Variants in ATXN7L1 observed in about 807,000 individuals in gnomAD.
The protein encoded by ATXN7L1 is ataxin 7 like 1, also known as ataxin-7-like protein 1.
In ATXN7L1, 15 loss-of-function variants were observed where a neutral mutation model predicts 70.8. The ratio of observed to expected loss-of-function variants is 0.21; its 90% CI spans 0.14 to 0.33. The LOEUF (loss-of-function observed/expected upper bound fraction) is 0.33. Among genes scored for constraint, ATXN7L1 ranks in the 10% least tolerant of loss-of-function variants. The probability of loss-of-function intolerance (pLI) is 1.00; values close to 1 mark genes in which losing one functional copy is unlikely to be tolerated. For missense variants in ATXN7L1, 975 were observed against 1,097.1 expected, an observed-to-expected ratio of 0.89 and a Z score of 1.57; for synonymous variants, 440 against 445.1, an observed-to-expected ratio of 0.99 and a Z score of 0.14.
At chr7:105,681,483 A>T (rs1312414825) in intron 3 of ATXN7L1, among the ~76,000 whole-genome samples, 1 of 152,228 alleles carries the variant, frequency 6.6e-6, no homozygotes, top group Non-Finnish European at 1.5e-5. Flanking sequence ...CACTATGAAG[A>T]AGAGTATGGC....
chr7:105,791,793 T>C (rs1312014815), intron 2 of ATXN7L1, among the ~76,000 whole-genome samples: 2 of 152,216 alleles, frequency 1.3e-5, no homozygotes, highest in Non-Finnish European at 2.9e-5. Flanking sequence ...AATAAGCATT[T>C]ATATGGCTGC....
chr7:105,685,233 G>C (rs7357126), intron 3 of ATXN7L1, among the ~76,000 whole-genome samples: 1 of 152,152 alleles, frequency 6.6e-6, no homozygotes, highest in African/African-American at 2.4e-5. Flanking sequence ...TATGCTCTGA[G>C]GTTAGCAGTA....
chr7:105,662,252 G>A (rs548838107), intron 4 of ATXN7L1, among the ~76,000 whole-genome samples: 195 of 151,920 alleles, frequency 1.3e-3, no homozygotes, highest in Non-Finnish European at 1.8e-3. Context: ...ACAGGTGTGT[G>A]CCACCACGCC....
intron 7 of ATXN7L1, among the ~76,000 whole-genome samples, chr7:105,638,114 CAAT>C (rs1349494094): frequency 1.3e-5 from 2 of 152,136 alleles, no homozygotes; most frequent in Admixed American, 6.5e-5. Context: ...CTGCTGCTGA[CAAT>C]GATGATGACA....
intron 3 of ATXN7L1, among the ~76,000 whole-genome samples, chr7:105,723,198 G>C (rs1285673639): frequency 2.0e-5 from 3 of 152,254 alleles, no homozygotes; most frequent in African/African-American, 7.2e-5. Flanking sequence ...GACACACCTG[G>C]GTTTGAATCC....
chr7:105,652,962 G>A (rs1435797852), intron 4 of ATXN7L1, among the ~76,000 whole-genome samples: 2 of 151,692 alleles, frequency 1.3e-5, no homozygotes, highest in Non-Finnish European at 2.9e-5. Context: ...ATTAGAATCC[G>A]GTTCTGGGCA....
chr7:105,834,567 G>A (rs1057338514), intron 2 of ATXN7L1, among the ~76,000 whole-genome samples: 8 of 152,146 alleles, frequency 5.3e-5, no homozygotes, highest in Non-Finnish European at 1.5e-5. Flanking sequence ...AAGGTCAAAC[G>A]TCATAACATT....
In ATXN7L1 at chr7:105,761,191, G is replaced by A. The variant is rs182392353; in HGVS notation, c.355+27413C>T. The stretch of plus-strand genomic sequence containing the variant: ...GAGAAGAACCCCACAGGTACCCCCT[G>A]CTCTGCTCAAGCCCATTTCCTTACT... On this transcript the variant is annotated intron_variant, in intron 3 of 11. Coordinates refer to ENST00000419735, the MANE Select transcript of ATXN7L1 (RefSeq NM_020725.2). The A allele has an allele frequency of 1.6e-5, 23 of 1,398,692 alleles. No homozygotes were observed. The Admixed American group carries it at 7.0e-4, about 42-fold the overall frequency. The allele number at this position is 1,398,692 out of a possible 1,614,324, so 86.6% of individuals were successfully genotyped here. A position where few individuals can be genotyped will look rare whatever the true frequency, so the allele number is the denominator to read the frequency against.
At chr7:105,785,393 GA>G (rs1389054829) in intron 3 of ATXN7L1, among the ~76,000 whole-genome samples, 1 of 152,138 alleles carries the variant, frequency 6.6e-6, no homozygotes, top group Non-Finnish European at 1.5e-5. Context: ...TTGAACTGGG[GA>G]GGCAGAGGTT....
Position 105,862,844 on chromosome 7 carries a change from C to T in ATXN7L1, c.250+12968G>A, listed in dbSNP as rs982267714. Reference sequence around the variant, plus strand: ...CGGGAAGTAAATGTTGCCACATCGCCCTGTCCTCATGTGGGAGATGCATTC... The same window carrying T: ...CGGGAAGTAAATGTTGCCACATCGCTCTGTCCTCATGTGGGAGATGCATTC... On this transcript the variant is annotated intron_variant, in intron 2 of 11. Coordinates refer to ENST00000419735, the MANE Select transcript of ATXN7L1 (RefSeq NM_020725.2). Among the ~76,000 whole-genome samples, 4 of 152,154 alleles carry T rather than the reference C, an allele frequency of 2.6e-5. 1 individual carries two copies. Among genetic ancestry groups the T allele is most frequent in the Non-Finnish European group, 5.9e-5 (4 of 68,026 alleles).
chr7:105,738,645 T>C (rs1797676767), intron 3 of ATXN7L1, among the ~76,000 whole-genome samples: 1 of 152,242 alleles, frequency 6.6e-6, no homozygotes, highest in African/African-American at 2.4e-5. Context: ...CACAACTGTC[T>C]AGTAGTTGAG....
At chr7:105,734,131 A>G (rs2116341894) in intron 3 of ATXN7L1, among the ~76,000 whole-genome samples, 1 of 152,334 alleles carries the variant, frequency 6.6e-6, no homozygotes, top group South Asian at 2.1e-4. Flanking sequence ...AAATCACTAA[A>G]TTCTGAGTAT....
At position 105,820,967 on chromosome 7, in the gene ATXN7L1, G is replaced by A. The variant is rs962675460; in HGVS notation, c.251-32259C>T. 1.1e-4 allele frequency among the ~76,000 whole-genome samples: 17 copies of A among 152,296 alleles called. No homozygotes were observed. The East Asian group carries it at 1.5e-3, about 14-fold the overall frequency. ...CTTCTTGAGGCTTTTACCAGATGCC[G>A]AGCAGGTGTTGGTGCCATGCTTCCT... On this transcript the variant is annotated intron_variant, in intron 2 of 11. Transcript: ENST00000419735.
chr7:105,716,397 G>C (rs1794551314), intron 3 of ATXN7L1, among the ~76,000 whole-genome samples: 2 of 152,080 alleles, frequency 1.3e-5, no homozygotes, highest in South Asian at 4.1e-4. Context: ...GGAGACCTCT[G>C]CAAAGACAGA....
At chr7:105,829,472 C>A (rs1054360056) in intron 2 of ATXN7L1, among the ~76,000 whole-genome samples, 2 of 152,000 alleles carry the variant, frequency 1.3e-5, no homozygotes, top group Non-Finnish European at 2.9e-5. Context: ...CAAACAACAA[C>A]AACAACAAAA....
intron 2 of ATXN7L1, among the ~76,000 whole-genome samples, chr7:105,841,790 T>A (rs1813250334): frequency 6.6e-6 from 1 of 152,244 alleles, no homozygotes; most frequent in Non-Finnish European, 1.5e-5. Context: ...TCACAGTATG[T>A]ACGTATGCAT....
At chr7:105,744,894 C>A (rs1048216640) in intron 3 of ATXN7L1, among the ~76,000 whole-genome samples, 1 of 151,904 alleles carries the variant, frequency 6.6e-6, no homozygotes, top group Non-Finnish European at 1.5e-5. Flanking sequence ...CCCACCACCA[C>A]GCCCAGCTAA....
chr7:105,723,849 G>A (rs1169539874), intron 3 of ATXN7L1, among the ~76,000 whole-genome samples: 4 of 152,196 alleles, frequency 2.6e-5, no homozygotes, highest in East Asian at 3.8e-4. Context: ...GGCTTCAAGT[G>A]TCCATGCGGC....
intron 3 of ATXN7L1, among the ~76,000 whole-genome samples, chr7:105,727,746 G>GTATATGTATATATATATA (rs1554442462): frequency 1.8e-5 from 1 of 55,356 alleles, no homozygotes; most frequent in African/African-American, 9.8e-5. Flanking sequence ...GTGTATGTGT[G>GTATATGTATATATATATA]TATATATATA....
Sources: gnomAD v4.1 joint callset for allele counts (sites outside exome capture counted in the v4.1 genomes callset) on GRCh38, gnomAD v4.1.1 for gene constraint, MANE v1.5 for transcripts, NCBI Gene and HGNC (gene_info 2026-07-23, HGNC 2026-07-21) for gene names.